PRKCE: variants seen among roughly 807,000 people sequenced by gnomAD.
PRKCE encodes protein kinase C epsilon.
In PRKCE, 16 loss-of-function variants were observed where a neutral mutation model predicts 85.4. The ratio of observed to expected loss-of-function variants is 0.19; its 90% CI spans 0.13 to 0.28. The LOEUF (loss-of-function observed/expected upper bound fraction) is 0.28. Ranked by LOEUF, PRKCE falls within the 10% of genes least tolerant of loss-of-function variation. The probability of loss-of-function intolerance (pLI) is 1.00; values close to 1 mark genes in which losing one functional copy is unlikely to be tolerated. For missense variants in PRKCE, 573 were observed against 975.2 expected, an observed-to-expected ratio of 0.59 and a Z score of 5.49; for synonymous variants, 388 against 371.5, an observed-to-expected ratio of 1.04 and a Z score of -0.51.
chr2:45,812,598 G>A (rs1243445008), intron 1 of PRKCE, among the ~76,000 whole-genome samples: 1 of 152,226 alleles, frequency 6.6e-6, no homozygotes, highest in Non-Finnish European at 1.5e-5. Flanking sequence ...ACAAGCTTGT[G>A]ATGAGGATTA....
intron 3 of PRKCE, among the ~76,000 whole-genome samples, chr2:45,977,694 G>C (rs10165113): frequency 0.044 from 6,736 of 151,960 alleles, 250 homozygotes; most frequent in South Asian, 0.13. Flanking sequence ...ATGATCGAAG[G>C]CCAGCCCCAT....
intron 1 of PRKCE, among the ~76,000 whole-genome samples, chr2:45,708,425 G>A (rs552796950): frequency 6.6e-6 from 1 of 152,212 alleles, no homozygotes; most frequent in East Asian, 1.9e-4. Flanking sequence ...TGAATCATGG[G>A]GCCAGGTCTT....
At chr2:46,105,327 C>A (rs1272597685) in intron 11 of PRKCE, among the ~76,000 whole-genome samples, 1 of 152,098 alleles carries the variant, frequency 6.6e-6, no homozygotes, top group Non-Finnish European at 1.5e-5. Context: ...TTATAGCAAC[C>A]CTGAGCCCCT....
At chr2:46,051,083 A>G (rs1285935641) in intron 10 of PRKCE, among the ~76,000 whole-genome samples, 2 of 152,248 alleles carry the variant, frequency 1.3e-5, no homozygotes, top group Non-Finnish European at 2.9e-5. Context: ...AGCTTCCTCC[A>G]TGGATTCTGC....
intron 1 of PRKCE, among the ~76,000 whole-genome samples, chr2:45,811,874 TGCTA>T (rs1428609285): frequency 6.6e-6 from 1 of 152,210 alleles, no homozygotes; most frequent in East Asian, 1.9e-4. Context: ...TGTAAAATTA[TGCTA>T]GCTGTTATAG....
intron 1 of PRKCE, among the ~76,000 whole-genome samples, chr2:45,834,160 T>C (rs2105420644): frequency 6.6e-6 from 1 of 152,334 alleles, no homozygotes; most frequent in South Asian, 2.1e-4. Context: ...AGCTAAGATC[T>C]GTAACGTGGG....
intron 11 of PRKCE, among the ~76,000 whole-genome samples, chr2:46,132,657 A>G (rs1269717862): frequency 6.6e-6 from 1 of 152,222 alleles, no homozygotes; most frequent in Admixed American, 6.5e-5. Context: ...ACAGGGCATA[A>G]GCACAGCCCT....
At chr2:45,982,686 GTCT>G (rs1406297340) in intron 5 of PRKCE, among the ~76,000 whole-genome samples, 1 of 152,212 alleles carries the variant, frequency 6.6e-6, no homozygotes, top group African/African-American at 2.4e-5. Flanking sequence ...CACACATGCC[GTCT>G]TTGTGTTGGT....
In PRKCE at chr2:45,987,411, C is replaced by T. The variant is rs61756874; in HGVS notation, c.823+2731C>T. ...CTCTTCTGTGGCTCTGATGTTATTACTTGGCCTTTTTTTCCCCTTGCTGCT... is the reference window on the plus strand; with the variant it reads ...CTCTTCTGTGGCTCTGATGTTATTATTTGGCCTTTTTTTCCCCTTGCTGCT... On this transcript the variant is annotated intron_variant, in intron 6 of 14. Transcript: ENST00000306156. Among the ~76,000 whole-genome samples, 832 of 152,308 alleles carry T rather than the reference C, an allele frequency of 5.5e-3. 11 individuals carry two copies. Among genetic ancestry groups the T allele is most frequent in the African/African-American group, 0.019 (793 of 41,558 alleles).
At chr2:45,948,512 G>T (rs1015405524) in intron 2 of PRKCE, among the ~76,000 whole-genome samples, 32 of 152,146 alleles carry the variant, frequency 2.1e-4, no homozygotes, top group Admixed American at 2.1e-3. Context: ...GGTGGTGTAT[G>T]CCTGTAGTCC....
intron 1 of PRKCE, among the ~76,000 whole-genome samples, chr2:45,712,958 G>C (rs781770065): frequency 3.9e-5 from 6 of 152,208 alleles, no homozygotes; most frequent in African/African-American, 7.2e-5. Context: ...ATTGTGACTA[G>C]ATGAATAATA....
At chr2:45,973,585 C>G (rs1188465372) in intron 2 of PRKCE, among the ~76,000 whole-genome samples, 3 of 152,204 alleles carry the variant, frequency 2.0e-5, no homozygotes, top group African/African-American at 4.8e-5. Flanking sequence ...CCTTGGCTGT[C>G]TGCCTAGCCT....
At chr2:45,798,853 T>C (rs1237585601) in intron 1 of PRKCE, among the ~76,000 whole-genome samples, 2 of 151,982 alleles carry the variant, frequency 1.3e-5, no homozygotes, top group Non-Finnish European at 1.5e-5. Context: ...GGGCACATAA[T>C]TGGTGTTTTC....
intron 1 of PRKCE, among the ~76,000 whole-genome samples, chr2:45,780,063 C>CAAAAGAA (rs1686061943): frequency 2.1e-5 from 1 of 47,232 alleles, no homozygotes; most frequent in Non-Finnish European, 4.0e-5. Context: ...GTATCGATCT[C>CAAAAGAA]AAAGACACTT....
intron 11 of PRKCE, among the ~76,000 whole-genome samples, 165 bp from the exon 12 acceptor site, chr2:46,144,928 A>G (rs1015791792): frequency 6.6e-6 from 1 of 152,208 alleles, no homozygotes; most frequent in Non-Finnish European, 1.5e-5. Context: ...GGGGCTGACT[A>G]ACATGAGAGA....
chr2:45,714,430 C>T (rs1679921074), intron 1 of PRKCE, among the ~76,000 whole-genome samples: 1 of 152,240 alleles, frequency 6.6e-6, no homozygotes, highest in African/African-American at 2.4e-5. Context: ...GGAAACTGCA[C>T]TTGCAGAGGC....
chr2:46,128,227 CAA>C (rs111423119), intron 11 of PRKCE, among the ~76,000 whole-genome samples: 10 of 144,242 alleles, frequency 6.9e-5, no homozygotes, highest in African/African-American at 2.5e-4. Context: ...CATCAGTCAA[CAA>C]AAAAAAAAGA....
At chr2:45,898,756 A>T (rs1025303512) in intron 2 of PRKCE, among the ~76,000 whole-genome samples, 2 of 152,212 alleles carry the variant, frequency 1.3e-5, no homozygotes, top group African/African-American at 2.4e-5. Flanking sequence ...TATTGTAACC[A>T]GATCAGGATT....
At chr2:46,125,209 G>T (rs1456730211) in intron 11 of PRKCE, among the ~76,000 whole-genome samples, 1 of 152,162 alleles carries the variant, frequency 6.6e-6, no homozygotes, top group African/African-American at 2.4e-5. Flanking sequence ...TGAATTGATG[G>T]TCAGTACTAT....
Sources: gnomAD v4.1 joint callset for allele counts (sites outside exome capture counted in the v4.1 genomes callset) on GRCh38, gnomAD v4.1.1 for gene constraint, MANE v1.5 for transcripts, NCBI Gene and HGNC (gene_info 2026-07-23, HGNC 2026-07-21) for gene names.